Variants in SLIT3 observed in about 807,000 individuals in gnomAD.
SLIT3 encodes the protein slit homolog 3 protein.
SLIT3 carries 68 observed loss-of-function variants against 184.0 expected under a neutral mutation model. The observed-to-expected ratio is 0.37, with a 90% CI of 0.30 to 0.45. SLIT3 has a LOEUF of 0.45. Ranked by LOEUF, SLIT3 falls within the 20% of genes least tolerant of loss-of-function variation. The probability of loss-of-function intolerance (pLI) is 1.00; values close to 1 mark genes in which losing one functional copy is unlikely to be tolerated. For synonymous variants in SLIT3, 831 were observed against 828.6 expected (o/e 1.00, Z -0.05); for missense variants, 1,707 against 2,026.0 (o/e 0.84, Z 3.02).
At chr5:169,256,622 G>A (rs1455516543) in intron 1 of SLIT3, among the ~76,000 whole-genome samples, 1 of 152,154 alleles carries the variant, frequency 6.6e-6, no homozygotes, top group Non-Finnish European at 1.5e-5. Context: ...TAACAATAGA[G>A]AGGTGGAACA....
chr5:168,951,374 T>C (rs770602998), intron 4 of SLIT3, among the ~76,000 whole-genome samples: 8 of 152,100 alleles, frequency 5.3e-5, no homozygotes, highest in Non-Finnish European at 1.0e-4. Context: ...GAGATAACAG[T>C]CACAAGGAGA....
intron 4 of SLIT3, among the ~76,000 whole-genome samples, chr5:168,997,960 G>GCT (rs1016778394): frequency 9.0e-4 from 137 of 151,776 alleles, no homozygotes; most frequent in Middle Eastern, 6.8e-3. Context: ...TTGAGGCCAA[G>GCT]CTCTCTCTCT....
Position 169,058,015 on chromosome 5 carries a change from T to C in SLIT3, c.413+135464A>G, listed in dbSNP as rs533223530. Among the ~76,000 whole-genome samples, 5 of 152,278 alleles carry C rather than the reference T, an allele frequency of 3.3e-5. No individual in the cohort carries two copies. In the South Asian group the frequency reaches 1.0e-3, roughly 32 times the overall value. On this transcript the variant is annotated intron_variant, in intron 4 of 35. Transcript: ENST00000519560. Reference sequence around the variant, plus strand: ...GACCCTGGTTGCTTGCCCCAGCATGTAGTGAGTTATTAAACCATCGACCCC... The same window carrying C: ...GACCCTGGTTGCTTGCCCCAGCATGCAGTGAGTTATTAAACCATCGACCCC...
At chr5:169,066,898 A>T (rs1286314095) in intron 4 of SLIT3, among the ~76,000 whole-genome samples, 1 of 151,678 alleles carries the variant, frequency 6.6e-6, no homozygotes, top group Non-Finnish European at 1.5e-5. Context: ...ACATGGAAAA[A>T]CATTCATGAT....
At chr5:169,218,660 AG>A (rs1463019739) in intron 3 of SLIT3, among the ~76,000 whole-genome samples, 1 of 152,212 alleles carries the variant, frequency 6.6e-6, no homozygotes, top group Non-Finnish European at 1.5e-5. Flanking sequence ...ATCTAGGCAA[AG>A]GGGGAGACTT....
chr5:169,005,077 C>A (rs1430518731), intron 4 of SLIT3, among the ~76,000 whole-genome samples: 2 of 152,184 alleles, frequency 1.3e-5, no homozygotes, highest in Non-Finnish European at 2.9e-5. Flanking sequence ...CTTCGTGTTT[C>A]TGTGTCCGTA....
chr5:168,997,977 G>A (rs575310561), intron 4 of SLIT3, among the ~76,000 whole-genome samples: 2 of 151,316 alleles, frequency 1.3e-5, no homozygotes, highest in African/African-American at 2.4e-5. Flanking sequence ...CTCTCTACCC[G>A]CCCCATGCCC....
At chr5:169,238,304 A>T (rs4868429) in intron 3 of SLIT3, among the ~76,000 whole-genome samples, 90,365 of 151,782 alleles carry the variant, frequency 0.6, 27,215 homozygotes, top group Non-Finnish European at 0.62. Context: ...CTTATGTTGT[A>T]CTCTTATAAT....
Position 168,929,236 on chromosome 5 carries a change from G to T in SLIT3, c.414-45900C>A, listed in dbSNP as rs558832089. On this transcript the variant is annotated intron_variant, in intron 4 of 35. Coordinates refer to ENST00000519560, the MANE Select transcript of SLIT3 (RefSeq NM_003062.4). ...CGGATAAACCATTTTACCCCCAAGT[G>T]TGGAAATGCTATTATTAATGTTCCA... 3.9e-4 allele frequency among the ~76,000 whole-genome samples: 60 copies of T among 152,266 alleles called. No individual in the cohort carries two copies. The South Asian group carries it at 6.4e-3, about 16-fold the overall frequency.
chr5:168,995,854 G>C (rs1440865923), intron 4 of SLIT3, among the ~76,000 whole-genome samples: 3 of 152,174 alleles, frequency 2.0e-5, no homozygotes, highest in African/African-American at 7.2e-5. Context: ...GGACATCTGG[G>C]CCTCTGTTCT....
intron 4 of SLIT3, among the ~76,000 whole-genome samples, chr5:168,952,005 C>T (rs1395428424): frequency 3.3e-5 from 5 of 152,160 alleles, no homozygotes; most frequent in South Asian, 2.1e-4. Flanking sequence ...ATCCCCACCT[C>T]GCCTGGCTGC....
chr5:168,863,075 G>T (rs1209243986), intron 5 of SLIT3, among the ~76,000 whole-genome samples: 1 of 152,186 alleles, frequency 6.6e-6, no homozygotes, highest in East Asian at 1.9e-4. Context: ...CCTATTCTAT[G>T]AGCCTGAAAG....
chr5:169,269,154 C>T (rs912481093), intron 1 of SLIT3, among the ~76,000 whole-genome samples: 5 of 152,176 alleles, frequency 3.3e-5, no homozygotes, highest in African/African-American at 1.2e-4. Context: ...AGCCTGTAAG[C>T]AATAAGGGCA....
At chr5:169,289,722 G>T (rs1767275502) in intron 1 of SLIT3, among the ~76,000 whole-genome samples, 1 of 152,234 alleles carries the variant, frequency 6.6e-6, no homozygotes, top group Non-Finnish European at 1.5e-5. Flanking sequence ...GCAGTAGAGG[G>T]CAAGAAGCCA....
intron 4 of SLIT3, among the ~76,000 whole-genome samples, chr5:169,117,377 C>A (rs2113278105): frequency 6.6e-6 from 1 of 152,202 alleles, no homozygotes; most frequent in East Asian, 1.9e-4. Context: ...ATCACTGGGC[C>A]CTTCGTGACA....
At chr5:168,796,477 C>T (rs942739904) in intron 9 of SLIT3, among the ~76,000 whole-genome samples, 4 of 152,222 alleles carry the variant, frequency 2.6e-5, no homozygotes, top group African/African-American at 9.6e-5. Flanking sequence ...GGCTCAGGAT[C>T]TCATCCTCAT....
In SLIT3 at chr5:168,904,489, C is replaced by CAATAATAAT. The variant is rs56039430; in HGVS notation, c.414-21162_414-21154dup. Reference sequence around the variant, plus strand: ...CCAGAAAATCTTACTTTAGAAATAACAATAATAATAATAATAATAATAATA... The same window carrying CAATAATAAT: ...CCAGAAAATCTTACTTTAGAAATAACAATAATAATAATAATAATAATAATAATAATAATA... On this transcript the variant is annotated intron_variant, in intron 4 of 35. Transcript: ENST00000519560. 2.8e-3 allele frequency among the ~76,000 whole-genome samples: 418 copies of CAATAATAAT among 147,638 alleles called. 1 individual carries two copies. The highest frequency in any genetic ancestry group is 0.012 in the East Asian group (60 of 4,986).
chr5:168,926,127 T>C (rs1386211898), intron 4 of SLIT3, among the ~76,000 whole-genome samples: 4 of 151,560 alleles, frequency 2.6e-5, no homozygotes, highest in East Asian at 1.9e-4. Flanking sequence ...GATGTGTCTA[T>C]CTATCCAACT....
chr5:168,834,094 T>G (rs1273343169), intron 6 of SLIT3, among the ~76,000 whole-genome samples: 2 of 152,284 alleles, frequency 1.3e-5, no homozygotes, highest in East Asian at 3.9e-4. Context: ...CTCTTTTTCT[T>G]TCTCTGTTTA....
Sources: allele counts gnomAD v4.1 joint callset (sites outside exome capture counted in the v4.1 genomes callset), GRCh38; gene constraint gnomAD v4.1.1; transcripts MANE v1.5; gene names NCBI Gene and HGNC (gene_info 2026-07-23, HGNC 2026-07-21).